The following SPAG16 variants were observed in gnomAD, a reference collection of about 807,000 sequenced individuals.
SPAG16 encodes sperm associated antigen 16, also known as sperm-associated antigen 16 protein.
A neutral mutation model predicts 80.4 loss-of-function variants in SPAG16; 86 were observed. The observed-to-expected ratio is 1.07, with a 90% CI of 0.90 to 1.28. The LOEUF (loss-of-function observed/expected upper bound fraction) is 1.28. Among genes scored for constraint, SPAG16 ranks in the 50% most tolerant of loss-of-function variants. SPAG16 has a pLI of 0.00. For synonymous variants in SPAG16, 294 were observed against 265.9 expected, an observed-to-expected ratio of 1.11 and a Z score of -1.03; for missense variants, 870 against 765.3, an observed-to-expected ratio of 1.14 and a Z score of -1.61.
At chr2:213,977,622 G>A (rs1158957913) in intron 12 of SPAG16, among the ~76,000 whole-genome samples, 2 of 132,372 alleles carry the variant, frequency 1.5e-5, no homozygotes, top group Non-Finnish European at 3.2e-5. Flanking sequence ...AATGCTCTCT[G>A]TATCTTTTTG....
rs533336974 is a variant in SPAG16 at position 214,146,558 on chromosome 2, T to G, written c.1594-2582T>G. On this transcript the variant is annotated intron_variant, in intron 14 of 15. Coordinates refer to ENST00000331683, the MANE Select transcript of SPAG16 (RefSeq NM_024532.5). The stretch of plus-strand genomic sequence containing the variant: ...ACTCATCTATCAGCTTAACAAATAC[T>G]TGGTTGAGCTCTGCTATGCTCCAAA... Among the ~76,000 whole-genome samples, 4 of 152,340 alleles carry G rather than the reference T, an allele frequency of 2.6e-5. No individual in the cohort carries two copies. In the South Asian group the frequency reaches 8.3e-4, roughly 32 times the overall value.
chr2:213,510,264 C>T (rs908332196), intron 10 of SPAG16, among the ~76,000 whole-genome samples: 2 of 152,084 alleles, frequency 1.3e-5, no homozygotes, highest in African/African-American at 2.4e-5. Context: ...GGGTTTTAGT[C>T]CTCAACCATA....
At chr2:214,148,779 A>T (rs1001173641) in intron 14 of SPAG16, among the ~76,000 whole-genome samples, 1 of 152,054 alleles carries the variant, frequency 6.6e-6, no homozygotes, top group Admixed American at 6.6e-5. Flanking sequence ...ATATATGTAT[A>T]TATATGCAAA....
At chr2:213,601,772 C>T (rs966375593) in intron 10 of SPAG16, among the ~76,000 whole-genome samples, 1 of 152,176 alleles carries the variant, frequency 6.6e-6, no homozygotes, top group Non-Finnish European at 1.5e-5. Flanking sequence ...TTGCCTATAG[C>T]ATTCAGTACA....
At chr2:213,743,194 C>T (rs953822503) in intron 10 of SPAG16, among the ~76,000 whole-genome samples, 8 of 151,862 alleles carry the variant, frequency 5.3e-5, no homozygotes, top group Admixed American at 3.9e-4. Context: ...TGAGCCACCG[C>T]GCCCGGCTGT....
At chr2:213,734,695 AT>A (rs2067204825) in intron 10 of SPAG16, among the ~76,000 whole-genome samples, 1 of 128,710 alleles carries the variant, frequency 7.8e-6, no homozygotes, top group African/African-American at 2.7e-5. Context: ...TCATTCTTTC[AT>A]TTTATGTAGA....
chr2:213,662,922 C>T (rs1434952626), intron 10 of SPAG16, among the ~76,000 whole-genome samples: 1 of 151,748 alleles, frequency 6.6e-6, no homozygotes, highest in Non-Finnish European at 1.5e-5. Flanking sequence ...TTCAATATTC[C>T]AAGAGGTTGT....
At chr2:213,934,463 C>A (rs898589388) in intron 12 of SPAG16, among the ~76,000 whole-genome samples, 1 of 152,114 alleles carries the variant, frequency 6.6e-6, no homozygotes, top group African/African-American at 2.4e-5. Flanking sequence ...AAGAAGAGAT[C>A]TGGGGATGTT....
At chr2:214,294,855 C>A (rs1407242063) in intron 15 of SPAG16, among the ~76,000 whole-genome samples, 1 of 152,146 alleles carries the variant, frequency 6.6e-6, no homozygotes, top group Non-Finnish European at 1.5e-5. Flanking sequence ...TTTCTGATGC[C>A]ACTACACATC....
chr2:213,403,555 C>T (rs1336179512), intron 9 of SPAG16, among the ~76,000 whole-genome samples: 1 of 152,178 alleles, frequency 6.6e-6, no homozygotes, highest in East Asian at 1.9e-4. Context: ...TGGGTCGTAT[C>T]TCAAAATAAT....
chr2:213,936,002 C>T (rs937351213), intron 12 of SPAG16, among the ~76,000 whole-genome samples: 5 of 150,644 alleles, frequency 3.3e-5, no homozygotes, highest in African/African-American at 1.2e-4. Flanking sequence ...TAGAGGAAAA[C>T]TAGAGCACAG....
intron 9 of SPAG16, among the ~76,000 whole-genome samples, chr2:213,458,535 G>A (rs1360266097): frequency 6.6e-6 from 1 of 152,134 alleles, no homozygotes. Flanking sequence ...TCGCGCCGCT[G>A]CACTCCAGCG....
chr2:214,262,378 G>T (rs934157568), intron 15 of SPAG16, among the ~76,000 whole-genome samples: 14 of 151,844 alleles, frequency 9.2e-5, no homozygotes, highest in Non-Finnish European at 1.0e-4. Context: ...ATTGATTTCA[G>T]CTTGATATGT....
Position 214,386,662 on chromosome 2 carries a change from G to A in SPAG16, c.1721-23478G>A, listed in dbSNP as rs148517212. On this transcript the variant is annotated intron_variant, in intron 15 of 15. Transcript: ENST00000331683. ...AGAGCACTTGAGCTCAATAATTAAA[G>A]ACCAGCCTGGGCAACATGGAGAAAC... 5.1e-3 allele frequency among the ~76,000 whole-genome samples: 767 copies of A among 151,688 alleles called. 2 individuals carry two copies. The highest frequency in any genetic ancestry group is 0.02 in the Middle Eastern group (6 of 294).
chr2:213,660,276 T>C (rs971298291), intron 10 of SPAG16, among the ~76,000 whole-genome samples: 1 of 138,032 alleles, frequency 7.2e-6, no homozygotes, highest in Non-Finnish European at 1.5e-5. Context: ...GTTGTTGTTT[T>C]TTTTTTTTTT....
intron 15 of SPAG16, among the ~76,000 whole-genome samples, chr2:214,405,392 A>G (rs1701940364): frequency 6.6e-6 from 1 of 152,194 alleles, no homozygotes; most frequent in Non-Finnish European, 1.5e-5. Flanking sequence ...CTCTCAAAGC[A>G]TTGGGATTAT....
At chr2:213,545,261 A>G (rs1022867896) in intron 10 of SPAG16, among the ~76,000 whole-genome samples, 4 of 152,098 alleles carry the variant, frequency 2.6e-5, no homozygotes, top group African/African-American at 9.7e-5. Flanking sequence ...CCATTTATAT[A>G]TCTTTGGTGA....
chr2:213,378,007 G>A (rs2066979605), intron 9 of SPAG16, among the ~76,000 whole-genome samples: 1 of 151,758 alleles, frequency 6.6e-6, no homozygotes, highest in African/African-American at 2.4e-5. Flanking sequence ...TAGGCTGTCT[G>A]CAAACTAAGG....
chr2:214,155,325 A>C (rs999946605), intron 15 of SPAG16, among the ~76,000 whole-genome samples: 1 of 152,216 alleles, frequency 6.6e-6, no homozygotes, highest in Non-Finnish European at 1.5e-5. Context: ...TACAATTCAA[A>C]AAGACAGCAG....
Sources: allele counts gnomAD v4.1 joint callset (sites outside exome capture counted in the v4.1 genomes callset), GRCh38; gene constraint gnomAD v4.1.1; transcripts MANE v1.5; gene names NCBI Gene and HGNC (gene_info 2026-07-23, HGNC 2026-07-21).